ZNF330: variants seen among roughly 807,000 people sequenced by gnomAD.
ZNF330 encodes nucleolar atypical zinc finger.
In ZNF330, 31 loss-of-function variants were observed where a neutral mutation model predicts 45.5. The ratio of observed to expected loss-of-function variants is 0.68; its 90% confidence interval spans 0.51 to 0.92. The LOEUF is 0.92. Ranked by LOEUF, ZNF330 falls within the 40% of genes least tolerant of loss-of-function variation. The pLI, the probability that ZNF330 is intolerant of heterozygous loss-of-function variation, is 0.00. For synonymous variants in ZNF330, 138 were observed against 123.2 expected (o/e 1.12, Z -0.79); for missense variants, 356 against 387.4 (o/e 0.92, Z 0.68).
intron 2 of ZNF330, 133 bp from the exon 3 acceptor site, chr4:141,224,354 A>G (rs1173834384): frequency 2.1e-5 from 16 of 758,680 alleles, no homozygotes; most frequent in African/African-American, 3.5e-5. Flanking sequence ...GCTTGTATAC[A>G]TGGGTGGAGT....
intron 5 of ZNF330, among the ~76,000 whole-genome samples, chr4:141,229,277 CCATCT>C (rs1467912963): frequency 6.6e-6 from 1 of 152,092 alleles, no homozygotes; most frequent in Non-Finnish European, 1.5e-5. Context: ...GAAAATACTT[CCATCT>C]CTTTGGCTTA....
In ZNF330 at chr4:141,230,146, G is replaced by T; in HGVS notation, c.419-20G>T. On this transcript the variant is annotated intron_variant, in intron 6 of 9. Transcript: ENST00000262990. ...ATTAAAGTTTATCTTAATTACATTT[G>T]TGTTTTTTTAATCCAATAGGAGGCA... The T allele has an allele frequency of 1.3e-6, 2 of 1,502,700 alleles. No individual in the cohort carries two copies. The highest frequency in any genetic ancestry group is 1.8e-6 in the Non-Finnish European group (2 of 1,088,742). The allele number at this position is 1,502,700 out of a possible 1,614,324, so 93.1% of individuals were successfully genotyped here.
In ZNF330 at chr4:141,227,253, G is replaced by GTA. The variant is rs1728829899; in HGVS notation, c.291+411_291+412dup. Among the ~76,000 whole-genome samples the GTA allele has an allele frequency of 2.0e-5, 3 of 151,704 alleles. No homozygotes were observed. The East Asian group carries it at 5.8e-4, about 29-fold the overall frequency. On this transcript the variant is annotated intron_variant, in intron 5 of 9. Transcript: ENST00000262990. ...CCATTAACTCGTCATTTAGCATTAG[G>GTA]TATATCTCCTAATGCTATCCCTCCC...
At position 141,229,668 on chromosome 4, in the gene ZNF330, T is replaced by C. The variant is rs1027225474; in HGVS notation, c.389T>C (p.Val130Ala). The C allele has an allele frequency of 3.1e-6, 5 of 1,613,034 alleles. No homozygotes were observed. The African/African-American group carries it at 6.7e-5, about 22-fold the overall frequency. ...TGCCCTCTTACCGATGCTGAGTGTGTTGAATGTGAACGAGGCGTGTGGGAC... is the reference window on the plus strand; with the variant it reads ...TGCCCTCTTACCGATGCTGAGTGTGCTGAATGTGAACGAGGCGTGTGGGAC... The part of the protein sequence containing the change: ...CACPLTDAEC[V>A]ECERGVWDHG... Residue 130 changes from valine to alanine, a missense_variant, in exon 6 of 10, where the codon GTT becomes GCT. By Grantham distance (64) the Val-to-Ala change is moderately conservative. Transcript: ENST00000262990.
rs148880005 is a variant in ZNF330 at position 141,222,377 on chromosome 4, T to C, written c.6T>C (p.Pro2=). Residue 2 remains proline, a synonymous_variant, in exon 2 of 10, where the codon CCT becomes CCC. Coordinates refer to ENST00000262990, the MANE Select transcript of ZNF330 (RefSeq NM_014487.6). M[P]KKKTGARKKA... ...TTGTGTCAAAATAGGGGAAAATGCCTAAAAAAAAGACTGGTGCGAGGAAGA... is the reference window on the plus strand; with the variant it reads ...TTGTGTCAAAATAGGGGAAAATGCCCAAAAAAAAGACTGGTGCGAGGAAGA... The C allele has an allele frequency of 3.1e-6, 5 of 1,609,780 alleles. No individual in the cohort carries two copies. In the African/African-American group the frequency reaches 6.7e-5, roughly 22 times the overall value.
At position 141,229,465 on chromosome 4, in the gene ZNF330, G is replaced by A. The variant is rs945969571; in HGVS notation, c.292-106G>A. On this transcript the variant is annotated intron_variant, in intron 5 of 9. Transcript: ENST00000262990. ...ATGAAGCGGCCTACTATCATTGAGG[G>A]TTGATAAATTGCTAAATGTATACAG... The A allele has an allele frequency of 4.2e-6, 6 of 1,425,834 alleles. No individual in the cohort carries two copies. The Admixed American group carries it at 7.2e-5, about 17-fold the overall frequency. The allele number at this position is 1,425,834 out of a possible 1,614,324, so 88.3% of individuals were successfully genotyped here. A position where few individuals can be genotyped will look rare whatever the true frequency, so the allele number is the denominator to read the frequency against.
chr4:141,223,251 A>G (rs1349883745), intron 2 of ZNF330, among the ~76,000 whole-genome samples: 1 of 152,200 alleles, frequency 6.6e-6, no homozygotes, highest in African/African-American at 2.4e-5. Context: ...TATGTTGTAT[A>G]TTAGGATTTG....
chr4:141,232,219 A>G (rs933202227), intron 8 of ZNF330, among the ~76,000 whole-genome samples: 2 of 152,108 alleles, frequency 1.3e-5, no homozygotes, highest in Non-Finnish European at 2.9e-5. Flanking sequence ...ACTGTGTGAG[A>G]GTAAATAGGC....
intron 2 of ZNF330, among the ~76,000 whole-genome samples, chr4:141,223,362 A>ACTTT (rs1560784683): frequency 6.6e-6 from 1 of 152,064 alleles, no homozygotes; most frequent in African/African-American, 2.4e-5. Context: ...AAGGGGAAGG[A>ACTTT]TATACCTGGG....
At chr4:141,230,374 G>T in intron 7 of ZNF330, 104 bp downstream of exon 7, 1 of 592,698 alleles carries the variant, frequency 1.7e-6, no homozygotes, top group Non-Finnish European at 2.9e-6. Context: ...TGCTTCTCAT[G>T]AACTGTAATT....
In ZNF330 at chr4:141,229,620, G is replaced by A. The variant is rs1728898710; in HGVS notation, c.341G>A (p.Cys114Tyr). Residue 114 changes from cysteine to tyrosine, a missense_variant, in exon 6 of 10, where the codon TGT becomes TAT. Physicochemically the swap from Cys to Tyr is radical, Grantham distance 194. Coordinates refer to ENST00000262990, the MANE Select transcript of ZNF330 (RefSeq NM_014487.6). ...GCTTGGGTTTGCCATGGTAGGAAAT[G>A]TCTCAGTACACATGCTTGTGCCTGC... ...CEAWVCHGRK[C>Y]LSTHACACPL... 1.2e-6 allele frequency: 2 copies of A among 1,613,080 alleles called. No individual in the cohort carries two copies. The highest frequency in any genetic ancestry group is 1.1e-5 in the South Asian group (1 of 91,068).
intron 6 of ZNF330, 33 bp downstream of exon 6, chr4:141,229,730 T>A: frequency 6.2e-7 from 1 of 1,612,038 alleles, no homozygotes; most frequent in Non-Finnish European, 8.5e-7. Context: ...TGAGCTTTGT[T>A]ATAGGTGAAT....
chr4:141,223,033 A>G (rs17007022), intron 2 of ZNF330, among the ~76,000 whole-genome samples: 4,987 of 152,172 alleles, frequency 0.033, 267 homozygotes, highest in African/African-American at 0.11. Flanking sequence ...GGTTCTCTCT[A>G]TTTCCACTCC....
intron 5 of ZNF330, among the ~76,000 whole-genome samples, chr4:141,227,792 T>C (rs976111210): frequency 1.3e-5 from 2 of 152,144 alleles, no homozygotes; most frequent in Non-Finnish European, 2.9e-5. Flanking sequence ...ATAGTGTTCT[T>C]TAAAACTTTA....
chr4:141,231,329 G>A, intron 7 of ZNF330, 110 bp from the exon 8 acceptor site: 2 of 776,084 alleles, frequency 2.6e-6, no homozygotes, highest in South Asian at 2.9e-5. Context: ...AAGACAGGCA[G>A]CTGTCTATAA....
At position 141,224,706 on chromosome 4, in the gene ZNF330, CT is replaced by C. The variant is rs752062954; in HGVS notation, c.211+34del. ...AGTTTGTAATAATTAAGGACATATG[CT>C]TTTTATCAACTGGTAGTTCAACAAT... On this transcript the variant is annotated intron_variant, in intron 4 of 9. Coordinates refer to ENST00000262990, the MANE Select transcript of ZNF330 (RefSeq NM_014487.6). The C allele has an allele frequency of 1.5e-5, 24 of 1,590,642 alleles. No individual in the cohort carries two copies. In the African/African-American group the frequency reaches 2.7e-4, roughly 18 times the overall value.
chr4:141,221,362 T>G (rs551062389), intron 1 of ZNF330, among the ~76,000 whole-genome samples: 1 of 152,246 alleles, frequency 6.6e-6, no homozygotes, highest in African/African-American at 2.4e-5. Context: ...ATTCACTCTT[T>G]TGAGCGTGCA....
At chr4:141,225,241 C>G (rs1357795779) in intron 4 of ZNF330, among the ~76,000 whole-genome samples, 2 of 151,840 alleles carry the variant, frequency 1.3e-5, no homozygotes, top group Non-Finnish European at 2.9e-5. Context: ...AGACTTGTAC[C>G]CCAAAATGAT....
chr4:141,229,705 A>C lies in ZNF330; in HGVS notation c.418+8A>C, dbSNP rs1303209184. ...GAGGCGTGTGGGACCATGGTGAGTC[A>C]TTAGACACAAGTAATGAGCTTTGTT... On this transcript the variant is annotated splice_region_variant and intron_variant, in intron 6 of 9. Coordinates refer to ENST00000262990, the MANE Select transcript of ZNF330 (RefSeq NM_014487.6). The C allele has an allele frequency of 5.6e-6, 9 of 1,612,900 alleles. No homozygotes were observed. The South Asian group carries it at 9.9e-5, about 18-fold the overall frequency.
Sources: gnomAD v4.1 joint callset for allele counts (sites outside exome capture counted in the v4.1 genomes callset) on GRCh38, gnomAD v4.1.1 for gene constraint, MANE v1.5 for transcripts, NCBI Gene and HGNC (gene_info 2026-07-23, HGNC 2026-07-21) for gene names.